TMED3: variants seen among roughly 807,000 people sequenced by gnomAD.
The protein encoded by TMED3 is transmembrane p24 trafficking protein 3, also known as transmembrane emp24 domain-containing protein 3.
In TMED3, 9 loss-of-function variants were observed where a neutral mutation model predicts 15.0. That is an observed-to-expected ratio of 0.60 (90% CI 0.36 to 1.04). The LOEUF is 1.04. Ranked by LOEUF, TMED3 falls within the 50% of genes least tolerant of loss-of-function variation. The pLI is 0.01. For synonymous variants in TMED3, 117 were observed against 121.4 expected (o/e 0.96, Z 0.24); for missense variants, 267 against 278.9 (o/e 0.96, Z 0.30).
intron 2 of TMED3, chr15:79,383,133 C>A: frequency 2.0e-6 from 2 of 1,008,776 alleles, no homozygotes; most frequent in Non-Finnish European, 3.0e-6. Context: ...TGCCATGGTG[C>A]ACTTCACTTC....
intron 2 of TMED3, among the ~76,000 whole-genome samples, chr15:79,378,252 A>T (rs1893463833): frequency 6.6e-6 from 1 of 152,236 alleles, no homozygotes; most frequent in South Asian, 2.1e-4. Context: ...AATATTGATA[A>T]GTCATTATTG....
chr15:79,351,607 C>T (rs2058891208), intron 2 of TMED3, among the ~76,000 whole-genome samples: 1 of 152,114 alleles, frequency 6.6e-6, no homozygotes, highest in African/African-American at 2.4e-5. Context: ...CAAAAGGGAA[C>T]ACTTTTACAC....
At chr15:79,363,742 T>C (rs573627117) in intron 2 of TMED3, among the ~76,000 whole-genome samples, 1 of 152,358 alleles carries the variant, frequency 6.6e-6, no homozygotes, top group Admixed American at 6.5e-5. Context: ...GATTTGATTA[T>C]TTTTGTACTC....
intron 2 of TMED3, among the ~76,000 whole-genome samples, chr15:79,393,619 C>T (rs1893724740): frequency 1.3e-5 from 2 of 152,114 alleles, no homozygotes; most frequent in Admixed American, 6.6e-5. Context: ...ATTGGAGAAA[C>T]AGAAAAGGCA....
At chr15:79,337,403 A>T (rs2058831076) in intron 2 of TMED3, among the ~76,000 whole-genome samples, 1 of 152,226 alleles carries the variant, frequency 6.6e-6, no homozygotes. Flanking sequence ...ATTCTGAGAC[A>T]CTGTGGGTTC....
chr15:79,357,420 G>A (rs4505294), intron 2 of TMED3, among the ~76,000 whole-genome samples: 36,420 of 145,004 alleles, frequency 0.25, 5,795 homozygotes, highest in Middle Eastern at 0.42. Context: ...GGGAGGTTGA[G>A]GCTGCAGTGA....
At chr15:79,367,953 C>A (rs544188524) in intron 2 of TMED3, among the ~76,000 whole-genome samples, 1 of 152,256 alleles carries the variant, frequency 6.6e-6, no homozygotes, top group African/African-American at 2.4e-5. Context: ...TTTATCCAGG[C>A]CCCTCAGGAA....
At chr15:79,320,423 A>G (rs963214628) in intron 2 of TMED3, among the ~76,000 whole-genome samples, 2 of 151,908 alleles carry the variant, frequency 1.3e-5, no homozygotes, top group Admixed American at 1.3e-4. Flanking sequence ...TTCTTATTTT[A>G]TATATTTTAT....
intron 2 of TMED3, among the ~76,000 whole-genome samples, chr15:79,406,925 A>C (rs1259640983): frequency 1.3e-5 from 2 of 152,232 alleles, no homozygotes; most frequent in Non-Finnish European, 2.9e-5. Flanking sequence ...AGTTCTATGC[A>C]GCATTTTCTA....
intron 2 of TMED3, among the ~76,000 whole-genome samples, chr15:79,391,087 T>C (rs2141253637): frequency 6.6e-6 from 1 of 152,154 alleles, no homozygotes; most frequent in Non-Finnish European, 1.5e-5. Context: ...TTTCATTTAG[T>C]TCTGCTCTGA....
chr15:79,372,787 A>T (rs528070828), intron 2 of TMED3, among the ~76,000 whole-genome samples: 1 of 152,238 alleles, frequency 6.6e-6, no homozygotes, highest in South Asian at 2.1e-4. Flanking sequence ...TCACTCCCCA[A>T]CCCTGACTCT....
chr15:79,352,450 A>C (rs889440846), intron 2 of TMED3, among the ~76,000 whole-genome samples: 9 of 151,976 alleles, frequency 5.9e-5, no homozygotes, highest in African/African-American at 1.9e-4. Context: ...CTCAATCCCA[A>C]ACAAGGATGT....
intron 2 of TMED3, among the ~76,000 whole-genome samples, chr15:79,364,239 AC>A (rs928202806): frequency 5.9e-5 from 9 of 152,096 alleles, no homozygotes; most frequent in African/African-American, 2.2e-4. Context: ...TGGTGGCTCC[AC>A]CCCCATTCCC....
intron 2 of TMED3, among the ~76,000 whole-genome samples, chr15:79,408,601 A>T (rs1359946316): frequency 6.6e-6 from 1 of 152,168 alleles, no homozygotes; most frequent in Non-Finnish European, 1.5e-5. Flanking sequence ...ACAGAGAAGG[A>T]GTGGGAAGAG....
At chr15:79,331,542 C>CAAAAAAAAAAAA (rs71451761) in intron 2 of TMED3, among the ~76,000 whole-genome samples, 1 of 89,288 alleles carries the variant, frequency 1.1e-5, no homozygotes, top group Non-Finnish European at 2.1e-5. Flanking sequence ...GCAAAAGAAG[C>CAAAAAAAAAAAA]AAAAAAAAAA....
chr15:79,397,623 C>G (rs914446911), intron 2 of TMED3, among the ~76,000 whole-genome samples: 1 of 152,142 alleles, frequency 6.6e-6, no homozygotes, highest in African/African-American at 2.4e-5. Context: ...TACATTTTTC[C>G]CTATTTAGTT....
chr15:79,407,978 C>T (rs551617876), intron 2 of TMED3, among the ~76,000 whole-genome samples: 3 of 152,254 alleles, frequency 2.0e-5, no homozygotes, highest in African/African-American at 4.8e-5. Flanking sequence ...TGAGATTTTG[C>T]GCAAGTCATT....
At chr15:79,364,451 G>A (rs1595901157) in intron 2 of TMED3, among the ~76,000 whole-genome samples, 1 of 152,118 alleles carries the variant, frequency 6.6e-6, no homozygotes, top group East Asian at 1.9e-4. Context: ...GAAATACTGG[G>A]TAGAAGAGGT....
intron 2 of TMED3, among the ~76,000 whole-genome samples, chr15:79,408,516 G>A (rs796395540): frequency 6.6e-6 from 1 of 152,208 alleles, no homozygotes; most frequent in South Asian, 2.1e-4. Context: ...AAGGAGAAAA[G>A]AGAAGTCAGC....
Sources: gnomAD v4.1 joint callset for allele counts (sites outside exome capture counted in the v4.1 genomes callset) on GRCh38, gnomAD v4.1.1 for gene constraint, MANE v1.5 for transcripts, NCBI Gene and HGNC (gene_info 2026-07-23, HGNC 2026-07-21) for gene names.